Variants in TTC28 observed in about 807,000 individuals in gnomAD.
The protein encoded by TTC28 is tetratricopeptide repeat protein 28.
TTC28 carries 61 observed loss-of-function variants against 198.0 expected under a neutral mutation model. The observed-to-expected ratio is 0.31, with a 90% CI of 0.25 to 0.38. TTC28 has a LOEUF of 0.38. Among genes scored for constraint, TTC28 ranks in the 10% least tolerant of loss-of-function variants. The probability of loss-of-function intolerance (pLI) is 1.00; values close to 1 mark genes in which losing one functional copy is unlikely to be tolerated. For synonymous variants in TTC28, 1,171 were observed against 1,297.8 expected, an observed-to-expected ratio of 0.90 and a Z score of 2.10; for missense variants, 2,678 against 3,164.0, an observed-to-expected ratio of 0.85 and a Z score of 3.69.
chr22:28,503,717 T>C (rs1314227910), intron 2 of TTC28, among the ~76,000 whole-genome samples: 2 of 152,226 alleles, frequency 1.3e-5, no homozygotes, highest in East Asian at 3.8e-4. Context: ...CTTTAACGCA[T>C]ATTACAGATT....
chr22:28,072,847 C>T (rs1022016138), intron 12 of TTC28, among the ~76,000 whole-genome samples: 2 of 152,160 alleles, frequency 1.3e-5, no homozygotes, highest in African/African-American at 2.4e-5. Context: ...CACAATGGGG[C>T]CTCATAGCCA....
At position 28,161,653 on chromosome 22, in the gene TTC28, C is replaced by CAAGA. The variant is rs552537925; in HGVS notation, c.1441+1435_1441+1438dup. Among the ~76,000 whole-genome samples the CAAGA allele has an allele frequency of 2.9e-3, 423 of 146,998 alleles. 3 individuals carry two copies. Among genetic ancestry groups the CAAGA allele is most frequent in the Non-Finnish European group, 4.8e-3 (322 of 67,128 alleles). ...AAGGTAATAGATGGAGACCCTGTCT[C>CAAGA]AAGAAAGAAAGAAAGAAAAGGAAGA... On this transcript the variant is annotated intron_variant, in intron 6 of 22. Coordinates refer to ENST00000397906, the MANE Select transcript of TTC28 (RefSeq NM_001145418.2).
At chr22:28,285,586 G>A (rs1658509208) in intron 5 of TTC28, among the ~76,000 whole-genome samples, 1 of 152,072 alleles carries the variant, frequency 6.6e-6, no homozygotes, top group Admixed American at 6.5e-5. Context: ...TCATACAAAC[G>A]ATAACTAAGT....
intron 2 of TTC28, among the ~76,000 whole-genome samples, chr22:28,423,704 C>T (rs2047301179): frequency 6.6e-6 from 1 of 152,178 alleles, no homozygotes; most frequent in South Asian, 2.1e-4. Context: ...CTGTATAGCA[C>T]ACAGGCCATT....
At chr22:28,274,257 A>C (rs1932270165) in intron 5 of TTC28, among the ~76,000 whole-genome samples, 2 of 152,230 alleles carry the variant, frequency 1.3e-5, no homozygotes, top group Admixed American at 6.5e-5. Context: ...ATTCATTTAA[A>C]AATTATTTGT....
chr22:28,268,403 T>C (rs1931824787), intron 5 of TTC28, among the ~76,000 whole-genome samples: 1 of 152,114 alleles, frequency 6.6e-6, no homozygotes, highest in Non-Finnish European at 1.5e-5. Flanking sequence ...ATTCATGAGG[T>C]TAGGTAAAAA....
intron 2 of TTC28, among the ~76,000 whole-genome samples, chr22:28,335,196 T>C (rs1377599277): frequency 6.6e-6 from 1 of 152,196 alleles, no homozygotes; most frequent in East Asian, 1.9e-4. Context: ...AGGGCTCTTT[T>C]CTGTTCCATT....
intron 2 of TTC28, among the ~76,000 whole-genome samples, chr22:28,409,574 T>C (rs1028156123): frequency 1.3e-5 from 2 of 149,916 alleles, no homozygotes; most frequent in Non-Finnish European, 3.0e-5. Flanking sequence ...ATGTTATATA[T>C]AACATATATA....
rs192606108 is a variant in TTC28, at chr22:28,219,435, G to A, written c.934-55836C>T. The stretch of plus-strand genomic sequence containing the variant: ...GAGACACGAGAATCGCTTGAACCTG[G>A]AGGCAGGGGTTGCAGTGAGCCAAGA... On this transcript the variant is annotated intron_variant, in intron 5 of 22. Transcript: ENST00000397906. 1.7e-4 allele frequency among the ~76,000 whole-genome samples: 26 copies of A among 152,036 alleles called. No individual in the cohort carries two copies. The East Asian group carries it at 4.8e-3, about 28-fold the overall frequency.
intron 2 of TTC28, among the ~76,000 whole-genome samples, chr22:28,548,018 CTT>C (rs2049581249): frequency 6.6e-6 from 1 of 151,916 alleles, no homozygotes; most frequent in East Asian, 1.9e-4. Context: ...TTGGAACTCT[CTT>C]ATGTCACATA....
chr22:28,193,734 T>C (rs1345792712), intron 5 of TTC28, among the ~76,000 whole-genome samples: 1 of 152,120 alleles, frequency 6.6e-6, no homozygotes, highest in Non-Finnish European at 1.5e-5. Context: ...CAAGAAGAGC[T>C]AACTATCCTA....
chr22:28,646,071 G>A (rs946849471), intron 1 of TTC28, among the ~76,000 whole-genome samples: 4 of 152,040 alleles, frequency 2.6e-5, no homozygotes, highest in Admixed American at 6.6e-5. Flanking sequence ...ATCCTAGCCA[G>A]AACACTCAGG....
Position 28,001,523 on chromosome 22 carries a change from G to A in TTC28, c.4249C>T (p.Arg1417Trp), listed in dbSNP as rs1010876818. 16 of 1,551,084 alleles carry A rather than the reference G, an allele frequency of 1.0e-5. No homozygotes were observed. The highest frequency in any genetic ancestry group is 8.3e-5 in the South Asian group (7 of 84,066). ...AGAACCAGGATGAGCTGCCGGTGCC[G>A]GCCCACGGGGCCGCTGGAGTGCATC... is the stretch of plus-strand genomic sequence containing the variant. ...GLMHSSGPVG[R>W]HRQLILVLEG... Residue 1417 changes from arginine to tryptophan, a missense_variant, in exon 15 of 23, where the codon CGG becomes TGG. Arg to Trp is a moderately radical substitution (Grantham distance 101). Coordinates refer to ENST00000397906, the MANE Select transcript of TTC28 (RefSeq NM_001145418.2).
intron 22 of TTC28, among the ~76,000 whole-genome samples, chr22:27,984,691 G>T (rs572477922): frequency 1.3e-5 from 2 of 152,304 alleles, no homozygotes; most frequent in East Asian, 3.9e-4. Context: ...CCACTTTCCT[G>T]ACCTCAGCAG....
intron 5 of TTC28, among the ~76,000 whole-genome samples, chr22:28,211,085 G>C (rs912378903): frequency 5.3e-5 from 8 of 152,128 alleles, no homozygotes; most frequent in South Asian, 4.1e-4. Context: ...CAAATGCTGA[G>C]AGATTTTGTC....
intron 2 of TTC28, among the ~76,000 whole-genome samples, chr22:28,552,900 C>A (rs1239749804): frequency 6.6e-6 from 1 of 152,102 alleles, no homozygotes; most frequent in East Asian, 1.9e-4. Context: ...GATTCCCCTG[C>A]CTCAGCCTGT....
intron 2 of TTC28, among the ~76,000 whole-genome samples, chr22:28,502,124 A>G (rs546513399): frequency 1.3e-5 from 2 of 152,348 alleles, no homozygotes; most frequent in African/African-American, 4.8e-5. Flanking sequence ...GTGATGGTCT[A>G]TAACTAAAGC....
chr22:28,569,746 A>G (rs553543565), intron 2 of TTC28, among the ~76,000 whole-genome samples: 1 of 152,324 alleles, frequency 6.6e-6, no homozygotes, highest in East Asian at 1.9e-4. Context: ...TGCACAGTAA[A>G]AGAAACTATC....
intron 2 of TTC28, among the ~76,000 whole-genome samples, chr22:28,588,547 A>C (rs909881112): frequency 4.6e-5 from 7 of 152,210 alleles, no homozygotes; most frequent in African/African-American, 1.4e-4. Flanking sequence ...AGCAGACACC[A>C]CTTGCTATGC....
Sources: allele counts gnomAD v4.1 joint callset (sites outside exome capture counted in the v4.1 genomes callset), GRCh38; gene constraint gnomAD v4.1.1; transcripts MANE v1.5; gene names NCBI Gene and HGNC (gene_info 2026-07-23, HGNC 2026-07-21).